The following MSRA variants were observed in gnomAD, a reference collection of about 807,000 sequenced individuals.
MSRA encodes mitochondrial peptide methionine sulfoxide reductase.
MSRA carries 54 observed loss-of-function variants against 31.3 expected under a neutral mutation model. The observed-to-expected ratio is 1.73, with a 90% confidence interval of 1.39 to 2.17. The LOEUF (loss-of-function observed/expected upper bound fraction) is 2.17, where lower values mean the gene tolerates loss of function less well. MSRA is among the 30% of genes most tolerant of loss of function. MSRA has a pLI of 0.00. For missense variants in MSRA, 507 were observed against 300.9 expected (o/e 1.69, Z -5.07); for synonymous variants, 169 against 116.5 (o/e 1.45, Z -2.90).
intron 5 of MSRA, among the ~76,000 whole-genome samples, chr8:10,412,331 G>A (rs7830485): frequency 0.99 from 150,627 of 152,358 alleles, 74,484 homozygotes; most frequent in Non-Finnish European, 1. Flanking sequence ...AGGCTTGTCA[G>A]TTCTGGTTCC....
At chr8:10,199,717 C>T (rs959501340) in intron 1 of MSRA, among the ~76,000 whole-genome samples, 2 of 152,196 alleles carry the variant, frequency 1.3e-5, no homozygotes, top group African/African-American at 2.4e-5. Flanking sequence ...AGAATGCCCT[C>T]TATTTGCATA....
chr8:10,301,147 G>A (rs896956064), intron 3 of MSRA, among the ~76,000 whole-genome samples: 1 of 152,138 alleles, frequency 6.6e-6, no homozygotes, highest in African/African-American at 2.4e-5. Context: ...ATATAGCATG[G>A]AGTGATGATA....
intron 1 of MSRA, among the ~76,000 whole-genome samples, chr8:10,140,419 A>G (rs1402008221): frequency 3.9e-5 from 6 of 152,320 alleles, no homozygotes; most frequent in African/African-American, 1.4e-4. Flanking sequence ...TAGCTTTACA[A>G]AGATTTCCTA....
Position 10,243,422 on chromosome 8 carries a change from G to T in MSRA, c.212-1682G>T, listed in dbSNP as rs561682777. 2.4e-4 allele frequency among the ~76,000 whole-genome samples: 36 copies of T among 152,220 alleles called. No individual in the cohort carries two copies. The South Asian group carries it at 6.6e-3, about 28-fold the overall frequency. ...GGAATGCAACAAAGGAAAATTAATA[G>T]TGAATGCTTTTGCCGGAGACCTGTG... is the stretch of plus-strand genomic sequence containing the variant. On this transcript the variant is annotated intron_variant, in intron 2 of 5. Transcript: ENST00000317173.
chr8:10,331,875 A>G (rs1802721860), intron 5 of MSRA, among the ~76,000 whole-genome samples: 1 of 152,126 alleles, frequency 6.6e-6, no homozygotes, highest in Non-Finnish European at 1.5e-5. Context: ...GTATTGTTGT[A>G]TTGTTTTTAT....
At chr8:10,386,506 A>G (rs982774753) in intron 5 of MSRA, among the ~76,000 whole-genome samples, 6 of 152,152 alleles carry the variant, frequency 3.9e-5, no homozygotes, top group African/African-American at 1.4e-4. Context: ...AAGGCCGTGA[A>G]CCTTCAAATC....
intron 5 of MSRA, among the ~76,000 whole-genome samples, chr8:10,338,530 G>C (rs773161786): frequency 6.6e-6 from 1 of 152,128 alleles, no homozygotes; most frequent in Non-Finnish European, 1.5e-5. Flanking sequence ...GTGAAGGGTT[G>C]GCTTTGCTAA....
chr8:10,160,460 A>C (rs888009054), intron 1 of MSRA, among the ~76,000 whole-genome samples: 9 of 151,404 alleles, frequency 5.9e-5, no homozygotes, highest in Non-Finnish European at 8.8e-5. Flanking sequence ...GTGCCACCGC[A>C]CTCTAGCCTG....
chr8:10,258,886 C>T (rs960658808), intron 3 of MSRA, among the ~76,000 whole-genome samples: 2 of 152,150 alleles, frequency 1.3e-5, no homozygotes, highest in Admixed American at 1.3e-4. Flanking sequence ...GCGGGCAGAT[C>T]GCTTGAGGTC....
chr8:10,218,036 C>T (rs1483720050), intron 2 of MSRA, among the ~76,000 whole-genome samples: 1 of 151,870 alleles, frequency 6.6e-6, no homozygotes, highest in African/African-American at 2.4e-5. Context: ...TTCTACAAAC[C>T]GAGAGTGAGA....
At chr8:10,402,210 C>G (rs1563439765) in intron 5 of MSRA, among the ~76,000 whole-genome samples, 1 of 152,090 alleles carries the variant, frequency 6.6e-6, no homozygotes, top group African/African-American at 2.4e-5. Context: ...GGATTCATCC[C>G]CTCCCACCTC....
At chr8:10,064,626 A>T (rs867897223) in intron 1 of MSRA, among the ~76,000 whole-genome samples, 4 of 152,210 alleles carry the variant, frequency 2.6e-5, no homozygotes, top group Non-Finnish European at 5.9e-5. Flanking sequence ...ATGTTTATAA[A>T]ATGAATTCTT....
At chr8:10,411,877 A>C (rs1034749366) in intron 5 of MSRA, among the ~76,000 whole-genome samples, 2 of 142,566 alleles carry the variant, frequency 1.4e-5, no homozygotes, top group Admixed American at 7.2e-5. Context: ...CAGTTAAGCA[A>C]AACTTTCCCA....
intron 1 of MSRA, among the ~76,000 whole-genome samples, chr8:10,092,689 T>C (rs943020710): frequency 1.3e-5 from 2 of 152,102 alleles, no homozygotes; most frequent in Non-Finnish European, 2.9e-5. Flanking sequence ...GTTTGGTAGA[T>C]GTCTGTTGGT....
chr8:10,168,474 T>A (rs1563175347), intron 1 of MSRA, among the ~76,000 whole-genome samples: 1 of 152,198 alleles, frequency 6.6e-6, no homozygotes, highest in Non-Finnish European at 1.5e-5. Flanking sequence ...AAATAATTTT[T>A]AATAAAATTT....
chr8:10,237,653 C>T (rs935809388), intron 2 of MSRA, among the ~76,000 whole-genome samples: 9 of 152,164 alleles, frequency 5.9e-5, no homozygotes, highest in Non-Finnish European at 1.2e-4. Flanking sequence ...TGATTACAAC[C>T]GCCTGATCTT....
chr8:10,234,158 T>C (rs1811741975), intron 2 of MSRA, among the ~76,000 whole-genome samples: 1 of 152,138 alleles, frequency 6.6e-6, no homozygotes, highest in Non-Finnish European at 1.5e-5. Flanking sequence ...CTTTTAAAGA[T>C]ATATTTCAGT....
At chr8:10,115,854 A>G (rs1036129477) in intron 1 of MSRA, among the ~76,000 whole-genome samples, 4 of 152,236 alleles carry the variant, frequency 2.6e-5, no homozygotes, top group African/African-American at 9.6e-5. Flanking sequence ...GAATTAATTA[A>G]TAAATAGAAA....
At chr8:10,309,810 A>G (rs926242092) in intron 4 of MSRA, among the ~76,000 whole-genome samples, 7 of 152,120 alleles carry the variant, frequency 4.6e-5, no homozygotes, top group African/African-American at 1.7e-4. Flanking sequence ...GTGTGCAGTC[A>G]CCACAAAGCC....
Sources: gnomAD v4.1 joint callset for allele counts (sites outside exome capture counted in the v4.1 genomes callset) on GRCh38, gnomAD v4.1.1 for gene constraint, MANE v1.5 for transcripts, NCBI Gene and HGNC (gene_info 2026-07-23, HGNC 2026-07-21) for gene names.